The following CUBN variants were observed in gnomAD, a reference collection of about 807,000 sequenced individuals.
CUBN encodes the protein cubilin, also known as 460 kDa receptor.
In CUBN, 282 loss-of-function variants were observed where a neutral mutation model predicts 405.3. The observed-to-expected ratio is 0.70, with a 90% CI of 0.63 to 0.77. The LOEUF (loss-of-function observed/expected upper bound fraction) is 0.77. Ranked by LOEUF, CUBN falls within the 30% of genes least tolerant of loss-of-function variation. The pLI is 0.00. For synonymous variants in CUBN, 1,684 were observed against 1,617.0 expected, an observed-to-expected ratio of 1.04 and a Z score of -0.99; for missense variants, 4,514 against 4,475.2, an observed-to-expected ratio of 1.01 and a Z score of -0.25.
chr10:17,109,223 C>A (rs1018147012), intron 10 of CUBN, among the ~76,000 whole-genome samples: 4 of 152,156 alleles, frequency 2.6e-5, no homozygotes, highest in Admixed American at 6.5e-5. Context: ...CTACTTCCTT[C>A]TTTCTGAACT....
At chr10:16,963,196 C>CTTTTTTTTTTTTTTT (rs200023246) in intron 31 of CUBN, among the ~76,000 whole-genome samples, 1 of 84,034 alleles carries the variant, frequency 1.2e-5, no homozygotes, top group African/African-American at 4.1e-5. Context: ...TCTTTTTTTT[C>CTTTTTTTTTTTTTTT]TTTTTTTTTT....
At chr10:17,001,366 G>C (rs148384328) in intron 28 of CUBN, among the ~76,000 whole-genome samples, 1 of 152,204 alleles carries the variant, frequency 6.6e-6, no homozygotes, top group African/African-American at 2.4e-5. Flanking sequence ...CCTGCTGATT[G>C]GTCCATTTTA....
chr10:16,956,530 A>ATTCATACTTG lies in CUBN; in HGVS notation c.4696-1992_4696-1983dup, dbSNP rs1843069564. Among the ~76,000 whole-genome samples the ATTCATACTTG allele has an allele frequency of 2.6e-5, 4 of 152,114 alleles. No individual in the cohort carries two copies. The South Asian group carries it at 8.3e-4, about 32-fold the overall frequency. Reference sequence around the variant, plus strand: ...CCATCACTACAAAACCTCTTACTACATTCATACTTGAGTCTACTCTCAAAT... The same window carrying ATTCATACTTG: ...CCATCACTACAAAACCTCTTACTACATTCATACTTGTTCATACTTGAGTCTACTCTCAAAT... On this transcript the variant is annotated intron_variant, in intron 31 of 66. Transcript: ENST00000377833.
chr10:17,012,359 G>A (rs765843296), intron 28 of CUBN, among the ~76,000 whole-genome samples: 17 of 152,018 alleles, frequency 1.1e-4, no homozygotes, highest in Middle Eastern at 3.4e-3. Flanking sequence ...GTGGCATCTC[G>A]TACTATCCCT....
intron 59 of CUBN, among the ~76,000 whole-genome samples, chr10:16,854,915 T>TCCC (rs1564387608): frequency 2.8e-4 from 42 of 151,290 alleles, no homozygotes; most frequent in African/African-American, 9.0e-4. Flanking sequence ...CCTCCTTTCC[T>TCCC]TCCTTCCTTC....
chr10:17,087,466 C>CTTTTTCTTTTTTTTT (rs1453621528), intron 15 of CUBN, among the ~76,000 whole-genome samples: 1 of 79,772 alleles, frequency 1.3e-5, no homozygotes, highest in African/African-American at 5.6e-5. Flanking sequence ...TATTATTTTT[C>CTTTTTCTTTTTTTTT]TTTTTCTTTT....
At chr10:17,004,837 T>G (rs1833975290) in intron 28 of CUBN, among the ~76,000 whole-genome samples, 2 of 152,082 alleles carry the variant, frequency 1.3e-5, no homozygotes, top group African/African-American at 4.8e-5. Flanking sequence ...AGCTGGCTAA[T>G]TTTTGAATTT....
chr10:16,924,476 C>A (rs1842124013), intron 43 of CUBN, among the ~76,000 whole-genome samples: 1 of 152,066 alleles, frequency 6.6e-6, no homozygotes, highest in Non-Finnish European at 1.5e-5. Flanking sequence ...AAATCTCATA[C>A]AATGTGCAAT....
chr10:17,092,951 A>ATTGT (rs908881165), intron 14 of CUBN, among the ~76,000 whole-genome samples: 49 of 152,220 alleles, frequency 3.2e-4, no homozygotes, highest in African/African-American at 1.0e-3. Context: ...GTAAGGAATT[A>ATTGT]TTGTTTGTTT....
intron 27 of CUBN, among the ~76,000 whole-genome samples, chr10:17,024,219 G>A (rs1242792053): frequency 1.3e-5 from 2 of 152,174 alleles, no homozygotes; most frequent in East Asian, 1.9e-4. Flanking sequence ...GACACCACGT[G>A]TGGTCAATCA....
In CUBN at chr10:17,045,680, C is replaced by T. The variant is rs1835116582; in HGVS notation, c.3490+254G>A. Among the ~76,000 whole-genome samples, 3 of 152,110 alleles carry T rather than the reference C, an allele frequency of 2.0e-5. No homozygotes were observed. The South Asian group carries it at 6.2e-4, about 32-fold the overall frequency. ...TGAGTACAGGAGTGAGCCACAGCAC[C>T]CAGCCCCAATTTCCATTAATGCAAT... On this transcript the variant is annotated intron_variant, in intron 24 of 66. Transcript: ENST00000377833.
At chr10:16,901,130 T>G (rs532789803) in intron 52 of CUBN, among the ~76,000 whole-genome samples, 1 of 152,292 alleles carries the variant, frequency 6.6e-6, no homozygotes, top group South Asian at 2.1e-4. Context: ...TCTTTCCCTA[T>G]GCTTAAAAAA....
chr10:16,977,285 C>T (rs1833127195), intron 31 of CUBN, among the ~76,000 whole-genome samples: 1 of 152,114 alleles, frequency 6.6e-6, no homozygotes, highest in Non-Finnish European at 1.5e-5. Flanking sequence ...GCCTTTTGGC[C>T]TGCCACACCC....
At chr10:16,904,760 C>G (rs1806831201) in intron 50 of CUBN, among the ~76,000 whole-genome samples, 1 of 152,212 alleles carries the variant, frequency 6.6e-6, no homozygotes. Flanking sequence ...TAAACCTGAG[C>G]AAATAAAGAG....
intron 36 of CUBN, among the ~76,000 whole-genome samples, chr10:16,942,776 T>G (rs181244345): frequency 2.7e-4 from 29 of 106,866 alleles, no homozygotes; most frequent in Admixed American, 7.4e-4. Flanking sequence ...GGGGAAAGGG[T>G]AAAGGAAAAA....
intron 48 of CUBN, among the ~76,000 whole-genome samples, chr10:16,908,106 A>G (rs1419046609): frequency 6.6e-6 from 1 of 152,204 alleles, no homozygotes; most frequent in East Asian, 1.9e-4. Context: ...GATTTCATGT[A>G]CATAATAAAG....
intron 30 of CUBN, among the ~76,000 whole-genome samples, chr10:16,983,575 T>C (rs1054258878): frequency 1.3e-5 from 2 of 152,234 alleles, no homozygotes; most frequent in Non-Finnish European, 2.9e-5. Context: ...GTAAGCATTC[T>C]GCAAATGTGG....
chr10:16,891,865 G>A (rs1411466666), intron 54 of CUBN, among the ~76,000 whole-genome samples: 4 of 152,088 alleles, frequency 2.6e-5, no homozygotes, highest in East Asian at 1.9e-4. Context: ...CTAGTGGGTA[G>A]GGGCCAGGAC....
intron 56 of CUBN, among the ~76,000 whole-genome samples, chr10:16,878,777 T>C (rs1840586498): frequency 1.3e-5 from 2 of 152,214 alleles, no homozygotes; most frequent in African/African-American, 4.8e-5. Context: ...TCTATGGATT[T>C]GTCTACTCCG....
Sources: gnomAD v4.1 joint callset for allele counts (sites outside exome capture counted in the v4.1 genomes callset) on GRCh38, gnomAD v4.1.1 for gene constraint, MANE v1.5 for transcripts, NCBI Gene and HGNC (gene_info 2026-07-23, HGNC 2026-07-21) for gene names.